PLCB1: variants seen among roughly 807,000 people sequenced by gnomAD.
PLCB1 encodes the protein 1-phosphatidylinositol 4,5-bisphosphate phosphodiesterase beta-1.
A neutral mutation model predicts 161.8 loss-of-function variants in PLCB1; 46 were observed. That is an observed-to-expected ratio of 0.28 (90% CI 0.22 to 0.36). PLCB1 has a LOEUF of 0.36. Among genes scored for constraint, PLCB1 ranks in the 10% least tolerant of loss-of-function variants. The pLI is 1.00. For missense variants in PLCB1, 1,016 were observed against 1,472.5 expected (o/e 0.69, Z 5.07); for synonymous variants, 517 against 503.7 (o/e 1.03, Z -0.35).
At chr20:8,168,750 C>CT (rs536734444) in intron 2 of PLCB1, among the ~76,000 whole-genome samples, 243 of 141,378 alleles carry the variant, frequency 1.7e-3, no homozygotes, top group South Asian at 5.0e-3. Flanking sequence ...CTGATGTAGT[C>CT]TTTTTTTTTT....
At chr20:8,427,147 G>C (rs1204563039) in intron 3 of PLCB1, among the ~76,000 whole-genome samples, 2 of 152,130 alleles carry the variant, frequency 1.3e-5, no homozygotes, top group African/African-American at 2.4e-5. Context: ...CTGACCTCAG[G>C]TGATCTGCCC....
intron 9 of PLCB1, among the ~76,000 whole-genome samples, chr20:8,680,514 T>C (rs1256277072): frequency 6.6e-6 from 1 of 152,198 alleles, no homozygotes; most frequent in Non-Finnish European, 1.5e-5. Context: ...ATCTTCAGCA[T>C]TTGCTCCTTT....
At chr20:8,498,647 C>T (rs1241839921) in intron 3 of PLCB1, among the ~76,000 whole-genome samples, 1 of 152,186 alleles carries the variant, frequency 6.6e-6, no homozygotes, top group Non-Finnish European at 1.5e-5. Flanking sequence ...ATAATAGTGA[C>T]TAACCCAAGG....
chr20:8,383,783 T>A (rs1987336009), intron 3 of PLCB1, among the ~76,000 whole-genome samples: 2 of 152,238 alleles, frequency 1.3e-5, no homozygotes, highest in Admixed American at 1.3e-4. Flanking sequence ...CTTATGAAGC[T>A]TAGTTTGGCT....
intron 2 of PLCB1, among the ~76,000 whole-genome samples, chr20:8,344,632 C>T (rs771110333): frequency 5.3e-5 from 8 of 152,156 alleles, no homozygotes; most frequent in Non-Finnish European, 8.8e-5. Context: ...GAAAAAGTCA[C>T]GTCCCCTGTA....
chr20:8,276,943 T>C (rs1382855322), intron 2 of PLCB1, among the ~76,000 whole-genome samples: 4 of 78,344 alleles, frequency 5.1e-5, no homozygotes, highest in Admixed American at 4.2e-4. Context: ...TTCTTCTTCT[T>C]CTTCTTCTTC....
chr20:8,748,184 A>C (rs1285128756), intron 23 of PLCB1, among the ~76,000 whole-genome samples: 1 of 152,220 alleles, frequency 6.6e-6, no homozygotes, highest in African/African-American at 2.4e-5. Context: ...TTTCCTTTAA[A>C]TAGTGATGCT....
chr20:8,499,844 TG>T (rs1481933370), intron 3 of PLCB1, among the ~76,000 whole-genome samples: 1 of 152,236 alleles, frequency 6.6e-6, no homozygotes, highest in African/African-American at 2.4e-5. Flanking sequence ...GTGTATTATT[TG>T]TTAGGCATTG....
chr20:8,428,285 A>G (rs572901733), intron 3 of PLCB1, among the ~76,000 whole-genome samples: 1 of 152,090 alleles, frequency 6.6e-6, no homozygotes, highest in South Asian at 2.1e-4. Flanking sequence ...CAGTGGTGCA[A>G]TCTCGGCTCA....
intron 2 of PLCB1, among the ~76,000 whole-genome samples, chr20:8,273,439 T>TTATA (rs1397271941): frequency 1.3e-5 from 2 of 152,174 alleles, no homozygotes; most frequent in African/African-American, 4.8e-5. Context: ...AGGCTATATT[T>TTATA]TATATATACA....
intron 11 of PLCB1, among the ~76,000 whole-genome samples, chr20:8,704,981 A>G (rs1483962524): frequency 4.3e-5 from 1 of 23,118 alleles, no homozygotes; most frequent in African/African-American, 1.9e-4. Context: ...ATTCTCCTTT[A>G]CTCTTTTTTT....
intron 2 of PLCB1, among the ~76,000 whole-genome samples, chr20:8,321,343 C>A (rs1984911289): frequency 6.6e-6 from 1 of 152,164 alleles, no homozygotes; most frequent in South Asian, 2.1e-4. Flanking sequence ...TGGTATTCAT[C>A]ATACCTCTTA....
intron 1 of PLCB1, among the ~76,000 whole-genome samples, chr20:8,139,348 G>A (rs1231966299): frequency 1.2e-4 from 19 of 152,004 alleles, no homozygotes; most frequent in South Asian, 4.2e-4. Context: ...TGCCCACCTC[G>A]GCCTCCCAAA....
At chr20:8,354,394 C>T (rs1986293167) in intron 2 of PLCB1, among the ~76,000 whole-genome samples, 1 of 152,094 alleles carries the variant, frequency 6.6e-6, no homozygotes, top group African/African-American at 2.4e-5. Flanking sequence ...GCGTAAGATT[C>T]ACAGGGCAAA....
chr20:8,300,086 G>A lies in PLCB1; in HGVS notation c.178-71296G>A, dbSNP rs117677380. On this transcript the variant is annotated intron_variant, in intron 2 of 31. Coordinates refer to ENST00000338037, the MANE Select transcript of PLCB1 (RefSeq NM_015192.4). ...CTCACTCACATGTCTGGGGATCATC[G>A]AGCTGCTGGCTGACTTAGGATGGCT... is the stretch of plus-strand genomic sequence containing the variant. 6.6e-5 allele frequency among the ~76,000 whole-genome samples: 10 copies of A among 152,186 alleles called. No homozygotes were observed. In the East Asian group the frequency reaches 7.7e-4, roughly 12 times the overall value.
At chr20:8,348,664 G>A (rs1324869217) in intron 2 of PLCB1, among the ~76,000 whole-genome samples, 1 of 152,214 alleles carries the variant, frequency 6.6e-6, no homozygotes, top group African/African-American at 2.4e-5. Context: ...CTTTCACATG[G>A]AAGAAATAAG....
chr20:8,163,522 T>C (rs1354086232), intron 2 of PLCB1, among the ~76,000 whole-genome samples: 1 of 152,224 alleles, frequency 6.6e-6, no homozygotes, highest in African/African-American at 2.4e-5. Context: ...TTTTAAAATC[T>C]ATATCGCAGT....
intron 2 of PLCB1, among the ~76,000 whole-genome samples, chr20:8,343,396 C>G (rs1317573446): frequency 6.6e-6 from 1 of 152,156 alleles, no homozygotes; most frequent in Non-Finnish European, 1.5e-5. Flanking sequence ...TAGGATGGTG[C>G]CCCAGAATTT....
At chr20:8,639,748 T>C (rs1378412333) in intron 4 of PLCB1, among the ~76,000 whole-genome samples, 1 of 151,916 alleles carries the variant, frequency 6.6e-6, no homozygotes, top group Non-Finnish European at 1.5e-5. Flanking sequence ...TGGCAGAAGG[T>C]CCCAGCTAGA....
Sources: allele counts gnomAD v4.1 joint callset (sites outside exome capture counted in the v4.1 genomes callset), GRCh38; gene constraint gnomAD v4.1.1; transcripts MANE v1.5; gene names NCBI Gene and HGNC (gene_info 2026-07-23, HGNC 2026-07-21).